Variants in ARSG observed in about 807,000 individuals in gnomAD.
ARSG encodes the protein ASG.
Under a neutral mutation model 50.5 loss-of-function variants are expected in ARSG, and 37 were observed. The observed-to-expected ratio is 0.73, with a 90% CI of 0.56 to 0.96. The LOEUF (loss-of-function observed/expected upper bound fraction) is 0.96, where lower values mean the gene tolerates loss of function less well. Ranked by LOEUF, ARSG falls within the 50% of genes least tolerant of loss-of-function variation. The pLI is 0.00. For missense variants in ARSG, 629 were observed against 675.3 expected (o/e 0.93, Z 0.76); for synonymous variants, 225 against 254.6 (o/e 0.88, Z 1.11).
At chr17:68,321,062 C>T (rs1245320549) in intron 2 of ARSG, among the ~76,000 whole-genome samples, 1 of 151,970 alleles carries the variant, frequency 6.6e-6, no homozygotes, top group Non-Finnish European at 1.5e-5. Context: ...GGAGGCCACC[C>T]AGGAGGCTGA....
At chr17:68,352,512 C>CTTT (rs368506056) in intron 5 of ARSG, among the ~76,000 whole-genome samples, 1 of 139,766 alleles carries the variant, frequency 7.2e-6, no homozygotes, top group Non-Finnish European at 1.5e-5. Flanking sequence ...TTTTTTCTTT[C>CTTT]TTTTTTTTTT....
intron 6 of ARSG, among the ~76,000 whole-genome samples, chr17:68,361,589 A>G (rs946476782): frequency 7.2e-5 from 11 of 152,104 alleles, no homozygotes; most frequent in African/African-American, 2.7e-4. Context: ...CAAACAAACA[A>G]ATAGGTCCTT....
At chr17:68,387,902 G>T (rs2080804540) in intron 9 of ARSG, among the ~76,000 whole-genome samples, 1 of 152,106 alleles carries the variant, frequency 6.6e-6, no homozygotes, top group African/African-American at 2.4e-5. Flanking sequence ...TGGGAGAGGG[G>T]GCGGGGGATC....
intron 11 of ARSG, among the ~76,000 whole-genome samples, chr17:68,402,101 A>G (rs2081497556): frequency 6.6e-6 from 1 of 152,126 alleles, no homozygotes; most frequent in Non-Finnish European, 1.5e-5. Flanking sequence ...GTCAAATGCC[A>G]CTTTCATAAA....
At chr17:68,278,364 T>C (rs888300474) in intron 1 of ARSG, 3 of 1,362,696 alleles carry the variant, frequency 2.2e-6, no homozygotes, top group Non-Finnish European at 3.1e-6. Flanking sequence ...AGATCAGCAA[T>C]AGCATGAGGA....
intron 3 of ARSG, chr17:68,346,677 C>T (rs2078518455): frequency 1.6e-5 from 19 of 1,185,620 alleles, no homozygotes; most frequent in Non-Finnish European, 2.0e-5. Context: ...CTGATGTTGG[C>T]CAGAGAGGAA....
chr17:68,440,078 AC>A, the ARSG span, among the ~76,000 whole-genome samples: 2 of 152,218 alleles, frequency 1.3e-5, no homozygotes, highest in Non-Finnish European at 2.9e-5. Context: ...CTAGATGCTA[AC>A]AAGAAAGGGA....
chr17:68,334,886 A>G (rs1208239537), intron 2 of ARSG, among the ~76,000 whole-genome samples: 1 of 152,216 alleles, frequency 6.6e-6, no homozygotes. Context: ...ACTCACTGCC[A>G]CATTATTCTG....
intron 1 of ARSG, among the ~76,000 whole-genome samples, chr17:68,293,828 A>C (rs2076109485): frequency 6.6e-6 from 1 of 152,164 alleles, no homozygotes; most frequent in Non-Finnish European, 1.5e-5. Flanking sequence ...GGTAGCTGGA[A>C]ACCCAACCTA....
intron 2 of ARSG, among the ~76,000 whole-genome samples, chr17:68,329,249 A>G (rs925927994): frequency 6.6e-6 from 1 of 152,196 alleles, no homozygotes; most frequent in Non-Finnish European, 1.5e-5. Flanking sequence ...TAGAAAAAGC[A>G]ACTCACCTTG....
At chr17:68,265,628 C>A (rs1230181961) in intron 1 of ARSG, among the ~76,000 whole-genome samples, 1 of 151,814 alleles carries the variant, frequency 6.6e-6, no homozygotes, top group African/African-American at 2.4e-5. Context: ...AGCTTTGCTT[C>A]TGGCGGTACT....
intron 6 of ARSG, among the ~76,000 whole-genome samples, chr17:68,359,972 C>T (rs946141198): frequency 3.3e-5 from 5 of 152,146 alleles, no homozygotes; most frequent in African/African-American, 7.2e-5. Flanking sequence ...CCCCATGGCA[C>T]GTGGATGCTT....
intron 1 of ARSG, among the ~76,000 whole-genome samples, chr17:68,273,409 T>C (rs1314286306): frequency 6.6e-6 from 1 of 152,092 alleles, no homozygotes; most frequent in Admixed American, 6.6e-5. Flanking sequence ...TTTGTAGAGA[T>C]GGAGTCTCCC....
chr17:68,292,287 G>A (rs1555756550), intron 1 of ARSG, among the ~76,000 whole-genome samples: 1 of 152,140 alleles, frequency 6.6e-6, no homozygotes, highest in African/African-American at 2.4e-5. Context: ...TCCCATACCC[G>A]CGGGGAGCCC....
chr17:68,271,184 G>T lies in ARSG; in HGVS notation c.-552+11758G>T. ...GATAATAAAAAAGCAGCGCGGTCCT[G>T]GTCAATGCCCAGACTAATGCCCAGA... On this transcript the variant is annotated intron_variant, in intron 1 of 11. Coordinates refer to the ARSG transcript ENST00000448504. This position sits in a 1 kb window ranked among gnomAD's most constrained non-coding sequence, Gnocchi z 5.3. 6.2e-7 allele frequency: 1 copy of T among 1,614,012 alleles called. No homozygotes were observed. The highest frequency in any genetic ancestry group is 8.5e-7 in the Non-Finnish European group (1 of 1,180,044).
chr17:68,425,912 C>T (rs1265207888), downstream of ARSG: 8 of 618,240 alleles, frequency 1.3e-5, no homozygotes, highest in East Asian at 1.9e-4. Flanking sequence ...GGATTCGAAG[C>T]ACACAGTACA....
chr17:68,322,544 G>A (rs1321293391), intron 2 of ARSG, among the ~76,000 whole-genome samples: 1 of 152,146 alleles, frequency 6.6e-6, no homozygotes, highest in Non-Finnish European at 1.5e-5. Flanking sequence ...TTGAACCTGG[G>A]AGGCGGAGGT....
At position 68,368,776 on chromosome 17, in the gene ARSG, C is replaced by A. The variant is rs770371689; in HGVS notation, c.901+32C>A. ...TAGTAAAAGCCAGCCAGCCTAACTG[C>A]CATTTAATAGACAACCTTGCACATT... On this transcript the variant is annotated intron_variant, in intron 7 of 11. Coordinates refer to ENST00000621439, the MANE Select transcript of ARSG (RefSeq NM_001267727.2). The A allele has an allele frequency of 3.1e-6, 5 of 1,603,644 alleles. No homozygotes were observed. In the South Asian group the frequency reaches 5.5e-5, roughly 18 times the overall value.
At chr17:68,333,484 C>T (rs1022947730) in intron 2 of ARSG, among the ~76,000 whole-genome samples, 13 of 151,842 alleles carry the variant, frequency 8.6e-5, no homozygotes, top group South Asian at 2.1e-4. Context: ...CAAAATTAGC[C>T]GAGCATGGTG....
Sources: gnomAD v4.1 joint callset for allele counts (sites outside exome capture counted in the v4.1 genomes callset) on GRCh38, gnomAD v4.1.1 for gene constraint, Gnocchi (gnomAD v3.1) non-coding constraint, MANE v1.5 for transcripts, NCBI Gene and HGNC (gene_info 2026-07-23, HGNC 2026-07-21) for gene names.